MINDY2: variants seen among roughly 807,000 people sequenced by gnomAD.
MINDY2 encodes ubiquitin carboxyl-terminal hydrolase MINDY-2.
A neutral mutation model predicts 68.2 loss-of-function variants in MINDY2; 52 were observed. The observed-to-expected ratio is 0.76, with a 90% confidence interval of 0.61 to 0.96. The LOEUF (loss-of-function observed/expected upper bound fraction) is 0.96, where lower values mean the gene tolerates loss of function less well. Ranked by LOEUF, MINDY2 falls within the 40% of genes least tolerant of loss-of-function variation. The pLI is 0.00. For missense variants in MINDY2, 881 were observed against 773.4 expected (o/e 1.14, Z -1.65); for synonymous variants, 372 against 303.0 (o/e 1.23, Z -2.36).
chr15:58,826,225 C>CTTTTTTTTT (rs34666834), intron 5 of MINDY2, among the ~76,000 whole-genome samples: 5 of 98,182 alleles, frequency 5.1e-5, no homozygotes, highest in African/African-American at 8.2e-5. Flanking sequence ...TTCACACAAT[C>CTTTTTTTTT]TTTTTTTTTT....
rs2032976028 is a variant in MINDY2, at chr15:58,854,347, A to G, written c.1738-135A>G. ...TGGCTCAGATACCATGTAATATAAC[A>G]AATCTGTATGCCAATAGCTAGCTTC... On this transcript the variant is annotated intron_variant, in intron 8 of 8. Coordinates refer to ENST00000559228, the MANE Select transcript of MINDY2 (RefSeq NM_001040450.3). 4 of 887,384 alleles carry G rather than the reference A, an allele frequency of 4.5e-6. No individual in the cohort carries two copies. The Admixed American group carries it at 8.7e-5, about 19-fold the overall frequency. 55.0% of individuals were successfully genotyped at this position (887,384 alleles called of 1,614,324 possible).
At chr15:58,779,139 C>A (rs1414347776) in intron 1 of MINDY2, among the ~76,000 whole-genome samples, 2 of 151,984 alleles carry the variant, frequency 1.3e-5, no homozygotes, top group African/African-American at 4.8e-5. Flanking sequence ...CTCAAGTAAT[C>A]CTGCCTCAGC....
chr15:58,856,018 A>G lies in MINDY2; in HGVS notation c.*1408A>G, dbSNP rs1483123290. ...ATAAAACTATAACCTCATAGTGTTT[A>G]TAAGAACTCAGAAATAATATTTATT... On this transcript the variant is annotated 3_prime_UTR_variant, in exon 9 of 9. Coordinates refer to ENST00000559228, the MANE Select transcript of MINDY2 (RefSeq NM_001040450.3). 1.3e-5 allele frequency: 2 copies of G among 152,656 alleles called. No individual in the cohort carries two copies. Among genetic ancestry groups the G allele is most frequent in the South Asian group, 4.1e-4 (2 of 4,832 alleles). 9.5% of individuals were successfully genotyped at this position (152,656 alleles called of 1,614,324 possible).
Position 58,771,635 on chromosome 15 carries a change from C to A in MINDY2, c.240C>A (p.Ser80Arg). The A allele has an allele frequency of 6.2e-7, 1 of 1,612,448 alleles. No individual in the cohort carries two copies. Among genetic ancestry groups the A allele is most frequent in the Non-Finnish European group, 8.5e-7 (1 of 1,179,878 alleles). Residue 80 changes from serine to arginine, a missense_variant, in exon 1 of 9, where the codon AGC becomes AGA. By Grantham distance (110) the Ser-to-Arg change is moderately radical. Transcript: ENST00000559228. ...AGSPEVPGPC[S>R]SSAGLDLKDS... is the part of the protein sequence containing the mutation. Reference sequence around the variant, plus strand: ...CTCCTGAGGTTCCCGGACCCTGCAGCTCCTCCGCGGGTTTGGACTTGAAGG... The same window carrying A: ...CTCCTGAGGTTCCCGGACCCTGCAGATCCTCCGCGGGTTTGGACTTGAAGG...
intron 1 of MINDY2, among the ~76,000 whole-genome samples, chr15:58,784,600 T>G (rs1215237762): frequency 4.0e-5 from 6 of 151,536 alleles, no homozygotes; most frequent in African/African-American, 1.5e-4. Flanking sequence ...ATTTTTTTCT[T>G]TCTTTTCTTT....
intron 2 of MINDY2, among the ~76,000 whole-genome samples, chr15:58,794,329 A>G (rs1441655341): frequency 6.6e-6 from 1 of 150,980 alleles, no homozygotes; most frequent in African/African-American, 2.4e-5. Flanking sequence ...TGAGTTTCTG[A>G]GATAAAGTAG....
chr15:58,795,281 T>A (rs1302838598), intron 2 of MINDY2, among the ~76,000 whole-genome samples: 1 of 152,104 alleles, frequency 6.6e-6, no homozygotes, highest in African/African-American at 2.4e-5. Flanking sequence ...ATGCAGAGAT[T>A]AGGTGGAGCA....
chr15:58,771,970 A>G lies in MINDY2; in HGVS notation c.575A>G (p.Asn192Ser), dbSNP rs368984789. 4.6e-5 allele frequency: 73 copies of G among 1,573,426 alleles called. No homozygotes were observed. Among genetic ancestry groups the G allele is most frequent in the Admixed American group, 1.1e-4 (6 of 53,586 alleles). ...TCTTTTCCCAGTAGCTGCGAGTTCAATAGTGAGGAGGGAGCGGAGAACAGG... is the reference window on the plus strand; with the variant it reads ...TCTTTTCCCAGTAGCTGCGAGTTCAGTAGTGAGGAGGGAGCGGAGAACAGG... Reference protein sequence around the residue: ...LHSFPSSCEFNSEEGAENRVP... With the variant: ...LHSFPSSCEFSSEEGAENRVP... The change falls in exon 1 of 9, where the codon AAT (asparagine) becomes AGT (serine). Residue 192 changes from asparagine (N) to serine (S), a missense_variant. By Grantham distance (46) the Asn-to-Ser change is conservative. Transcript: ENST00000559228.
intron 3 of MINDY2, among the ~76,000 whole-genome samples, chr15:58,806,679 G>A (rs774110459): frequency 1.2e-4 from 19 of 152,242 alleles, no homozygotes; most frequent in Admixed American, 2.6e-4. Context: ...AAGGAAGTTG[G>A]GTGGTTGACA....
chr15:58,841,932 G>T (rs2032307574), intron 6 of MINDY2, among the ~76,000 whole-genome samples: 1 of 151,998 alleles, frequency 6.6e-6, no homozygotes, highest in African/African-American at 2.4e-5. Context: ...GATCATGACT[G>T]TTGGATTCCT....
Position 58,856,684 on chromosome 15 carries a change from T to TATCA in MINDY2, c.*2075_*2078dup, listed in dbSNP as rs533819125. On this transcript the variant is annotated 3_prime_UTR_variant, in exon 9 of 9. Coordinates refer to ENST00000559228, the MANE Select transcript of MINDY2 (RefSeq NM_001040450.3). ...GACCTCAATCCAAGTTTACTCTTGA[T>TATCA]ATCACTCTGTTGGCTGAAGGAGGTA... The TATCA allele has an allele frequency of 2.9e-3, 448 of 152,352 alleles. 2 individuals carry two copies. Among genetic ancestry groups the TATCA allele is most frequent in the African/African-American group, 0.01 (417 of 41,584 alleles). The allele number at this position is 152,352 out of a possible 1,614,324, so 9.4% of individuals were successfully genotyped here.
At chr15:58,781,514 G>T (rs113275011) in intron 1 of MINDY2, among the ~76,000 whole-genome samples, 6 of 152,322 alleles carry the variant, frequency 3.9e-5, no homozygotes, top group African/African-American at 1.4e-4. Context: ...TTACTCTGAG[G>T]ATAGGGTCTA....
At chr15:58,848,549 C>G (rs1379493338) in intron 7 of MINDY2, among the ~76,000 whole-genome samples, 2 of 152,032 alleles carry the variant, frequency 1.3e-5, no homozygotes, top group African/African-American at 4.8e-5. Context: ...CGAGACCATC[C>G]TGGCTAACAC....
intron 6 of MINDY2, among the ~76,000 whole-genome samples, chr15:58,846,309 G>A (rs2032533278): frequency 6.6e-6 from 1 of 152,070 alleles, no homozygotes. Context: ...AAAATACCAT[G>A]TAGGCCAGGC....
chr15:58,831,739 A>G (rs377152879), intron 5 of MINDY2, 35 bp from the exon 6 acceptor site: 2 of 1,554,640 alleles, frequency 1.3e-6, no homozygotes, highest in African/African-American at 1.4e-5. Context: ...TTTTGAAATT[A>G]TTCTTCTATC....
chr15:58,797,321 A>G (rs1902347571), intron 2 of MINDY2, among the ~76,000 whole-genome samples: 1 of 152,100 alleles, frequency 6.6e-6, no homozygotes, highest in Non-Finnish European at 1.5e-5. Context: ...AGGCTGGGCA[A>G]CATGGCAAAA....
intron 7 of MINDY2, among the ~76,000 whole-genome samples, chr15:58,849,903 A>C (rs1457925591): frequency 6.6e-6 from 1 of 151,970 alleles, no homozygotes; most frequent in Non-Finnish European, 1.5e-5. Context: ...CACCCGGCTA[A>C]TTTTTGTATT....
In MINDY2 at chr15:58,858,384, C is replaced by G. The variant is rs1273684417; in HGVS notation, c.*3774C>G. 6.6e-6 allele frequency: 1 copy of G among 152,148 alleles called. No individual in the cohort carries two copies. Among genetic ancestry groups the G allele is most frequent in the Non-Finnish European group, 1.5e-5 (1 of 67,992 alleles). 9.4% of individuals were successfully genotyped at this position (152,148 alleles called of 1,614,324 possible). ...TAACTAAGCAAGTTAGTATCAGAGACTAGTTGACTGAACCCAAGATTAAAC... is the reference window on the plus strand; with the variant it reads ...TAACTAAGCAAGTTAGTATCAGAGAGTAGTTGACTGAACCCAAGATTAAAC... On this transcript the variant is annotated 3_prime_UTR_variant, in exon 9 of 9. Transcript: ENST00000559228.
intron 1 of MINDY2, among the ~76,000 whole-genome samples, chr15:58,780,545 G>A (rs1054145936): frequency 4.6e-5 from 7 of 152,206 alleles, no homozygotes; most frequent in African/African-American, 1.7e-4. Flanking sequence ...TAAGTCTGGT[G>A]GACAGTAGGT....
Sources: allele counts gnomAD v4.1 joint callset (sites outside exome capture counted in the v4.1 genomes callset), GRCh38; gene constraint gnomAD v4.1.1; transcripts MANE v1.5; gene names NCBI Gene and HGNC (gene_info 2026-07-23, HGNC 2026-07-21).